The following MAP7D3 variants were observed in gnomAD, a reference collection of about 807,000 sequenced individuals.
MAP7D3 encodes the protein MAP7 domain-containing protein 3.
MAP7D3 carries 45 observed loss-of-function variants against 62.2 expected under a neutral mutation model. The ratio of observed to expected loss-of-function variants is 0.72; its 90% CI spans 0.57 to 0.93. The LOEUF (loss-of-function observed/expected upper bound fraction) is 0.93, where lower values mean the gene tolerates loss of function less well. Among genes scored for constraint, MAP7D3 ranks in the 40% least tolerant of loss-of-function variants. The probability of loss-of-function intolerance (pLI) is 0.00; values close to 1 mark genes in which losing one functional copy is unlikely to be tolerated. For synonymous variants in MAP7D3, 288 were observed against 248.8 expected (o/e 1.16, Z -1.48); for missense variants, 711 against 683.1 (o/e 1.04, Z -0.45).
At chrX:136,244,046 C>A (rs1263430926) in intron 4 of MAP7D3, among the ~76,000 whole-genome samples, 1 of 111,620 alleles carries the variant, frequency 9.0e-6, no homozygotes, top group Non-Finnish European at 1.9e-5. Context: ...AGCAAGAATG[C>A]TGACTCTGAA....
chrX:136,255,177 T>C (rs1411211239), upstream of MAP7D3, among the ~76,000 whole-genome samples: 1 of 112,077 alleles, frequency 8.9e-6, no homozygotes, highest in African/African-American at 3.2e-5. Flanking sequence ...GATCGTGCTA[T>C]TGCACTCCAG....
chrX:136,222,297 G>A, intron 15 of MAP7D3, 96 bp downstream of exon 15: 1 of 603,426 alleles, frequency 1.7e-6, no homozygotes, highest in Non-Finnish European at 2.6e-6. Flanking sequence ...ACTCAGCACA[G>A]AAAGGTTAAG....
intron 14 of MAP7D3, 111 bp downstream of exon 14, chrX:136,224,716 C>T: frequency 4.3e-6 from 2 of 465,909 alleles, no homozygotes; most frequent in Non-Finnish European, 7.2e-6. Flanking sequence ...CAGGGAAATG[C>T]AAATGTAATA....
chrX:136,222,734 G>A (rs1237940366), intron 14 of MAP7D3, among the ~76,000 whole-genome samples: 1 of 111,488 alleles, frequency 9.0e-6, no homozygotes, highest in African/African-American at 3.3e-5. Context: ...AGGAGCCAAG[G>A]GAATATAACT....
At chrX:136,216,385 A>G (rs1461721807), downstream of MAP7D3, among the ~76,000 whole-genome samples, 8 of 106,061 alleles carry the variant, frequency 7.5e-5, no homozygotes, top group African/African-American at 2.0e-4. Flanking sequence ...AAAAAAAGAA[A>G]AAAAGAGAAG....
Position 136,241,239 on chromosome X carries a change from C to T in MAP7D3, c.456G>A (p.Arg152=). The T allele has an allele frequency of 8.5e-7, 1 of 1,178,585 alleles. No homozygotes were observed. Among genetic ancestry groups the T allele is most frequent in the Admixed American group, 2.4e-5 (1 of 41,720 alleles). The part of the protein sequence containing the change: ...FTAILYRTLE[R]RRLADDYQQK... ...GCTGATAATCATCAGCAAGTCTCCT[C>T]CGTTCCAAAGTACGATAAAGAATGG... The change falls in exon 5 of 19, where the codon CGG becomes CGA. Residue 152 remains arginine (R), a synonymous_variant. Coordinates refer to ENST00000316077, the MANE Select transcript of MAP7D3 (RefSeq NM_024597.4).
At chrX:136,240,645 A>C (rs1453621861) in intron 5 of MAP7D3, among the ~76,000 whole-genome samples, 159 bp from the exon 6 acceptor site, 1 of 111,325 alleles carries the variant, frequency 9.0e-6, no homozygotes, top group Non-Finnish European at 1.9e-5. Flanking sequence ...TTTTTAGTAG[A>C]GACGGGGCTT....
upstream of MAP7D3, chrX:136,251,412 G>C (rs1165766160): frequency 2.5e-5 from 25 of 1,005,484 alleles, no homozygotes; most frequent in Non-Finnish European, 2.0e-5. Context: ...CGCAGGCGTC[G>C]GCGCGGCCTC....
At position 136,246,238 on chromosome X, in the gene MAP7D3, T is replaced by C. The variant is rs2074447333; in HGVS notation, c.169+5A>G. On this transcript the variant is annotated splice_donor_5th_base_variant and intron_variant, in intron 2 of 18. Coordinates refer to ENST00000316077, the MANE Select transcript of MAP7D3 (RefSeq NM_024597.4). ...ACATCTATCAAAGCATCAGAGAAAT[T>C]ATACCTGGTTTAAATGTCGATCTTA... 1 of 1,177,288 alleles carries C rather than the reference T, an allele frequency of 8.5e-7. No homozygotes were observed. Among genetic ancestry groups the C allele is most frequent in the African/African-American group, 1.7e-5 (1 of 57,175 alleles).
chrX:136,231,534 C>A lies in MAP7D3; in HGVS notation c.1413+10G>T. 1 of 1,179,278 alleles carries A rather than the reference C, an allele frequency of 8.5e-7. No individual in the cohort carries two copies. Among genetic ancestry groups the A allele is most frequent in the Non-Finnish European group, 1.1e-6 (1 of 880,287 alleles). On this transcript the variant is annotated intron_variant, in intron 8 of 18. Coordinates refer to ENST00000316077, the MANE Select transcript of MAP7D3 (RefSeq NM_024597.4). ...ATAGAAAATTTGTCAATAACAGGCA[C>A]TTGACAAACCTTTGGAGCGTCTCTC...
In MAP7D3 at chrX:136,226,005, G is replaced by A. The variant is rs183082890; in HGVS notation, c.2043C>T (p.Asp681=). ...CTTCCTCTTGAGCTTTTATTTTGGC[G>A]TCCCCTTTCTAGGAAATTTGCATAA... ...EDQEAPLQKG[D]AKIKAQEEAD... Residue 681 remains aspartate (D), a synonymous_variant, in exon 13 of 19, where the codon GAC becomes GAT. Coordinates refer to ENST00000316077, the MANE Select transcript of MAP7D3 (RefSeq NM_024597.4). The A allele has an allele frequency of 2.7e-4, 317 of 1,179,580 alleles. 1 individual carries two copies. In the East Asian group the frequency reaches 7.3e-3, roughly 27 times the overall value.
At chrX:136,231,436 T>C (rs1020405157) in intron 8 of MAP7D3, 108 bp downstream of exon 8, 20 of 622,681 alleles carry the variant, frequency 3.2e-5, no homozygotes, top group South Asian at 6.4e-5. Flanking sequence ...TTGCAGAATA[T>C]TGTAAATAAT....
rs1441234645 is a variant in MAP7D3, at chrX:136,222,428, C to A, written c.2252G>T (p.Ser751Ile). 1 of 1,208,538 alleles carries A rather than the reference C, an allele frequency of 8.3e-7. No homozygotes were observed. Among genetic ancestry groups the A allele is most frequent in the African/African-American group, 1.8e-5 (1 of 57,120 alleles). ...CATTTCATTCAATGAGTCCTTGTCG[C>A]TTTCTTCGTTGTCAGCCTCAGCCTC... is the stretch of plus-strand genomic sequence containing the variant. ...YEEAEADNEE[S>I]DKDSLNEMFP... The change falls in exon 15 of 19, where the codon AGC (serine) becomes ATC (isoleucine). Residue 751 changes from serine to isoleucine, a missense_variant. Transcript: ENST00000316077.
At chrX:136,223,486 A>G (rs960895103) in intron 14 of MAP7D3, among the ~76,000 whole-genome samples, 1 of 110,875 alleles carries the variant, frequency 9.0e-6, no homozygotes, top group Non-Finnish European at 1.9e-5. Flanking sequence ...TGGTTCATCA[A>G]TAGACATTAG....
rs1175539685 is a variant in MAP7D3, at chrX:136,225,266, C to A, written c.2140-386G>T. On this transcript the variant is annotated intron_variant, in intron 13 of 18. Transcript: ENST00000316077. ...AGCCAATGTTAATGAAAATAATACA[C>A]CTCAATGATGCCACACTGTTTTGTG... is the stretch of plus-strand genomic sequence containing the variant. 4.7e-4 allele frequency among the ~76,000 whole-genome samples: 53 copies of A among 112,341 alleles called. No homozygotes were observed. In the Admixed American group the frequency reaches 5.0e-3, roughly 11 times the overall value.
upstream of MAP7D3, among the ~76,000 whole-genome samples, chrX:136,253,735 C>T (rs192938392): frequency 8.9e-6 from 1 of 111,876 alleles, no homozygotes; most frequent in East Asian, 2.8e-4. Context: ...GCCTGTAATC[C>T]CAGCACTTTG....
At chrX:136,249,175 C>T (rs1404725994) in intron 1 of MAP7D3, among the ~76,000 whole-genome samples, 1 of 112,117 alleles carries the variant, frequency 8.9e-6, no homozygotes, top group Non-Finnish European at 1.9e-5. Flanking sequence ...GGCAGAAGTG[C>T]CCCAGGATTT....
At chrX:136,226,559 G>C (rs777979742) in intron 12 of MAP7D3, among the ~76,000 whole-genome samples, 2 of 111,671 alleles carry the variant, frequency 1.8e-5, no homozygotes, top group Non-Finnish European at 1.9e-5. Context: ...TTCAGTTAAT[G>C]ATTTTAAACT....
chrX:136,238,405 A>G (rs891089000), intron 6 of MAP7D3, among the ~76,000 whole-genome samples: 1 of 112,462 alleles, frequency 8.9e-6, no homozygotes, highest in African/African-American at 3.2e-5. Flanking sequence ...ATTAGATAGT[A>G]AAACAGAGTC....
Sources: allele counts gnomAD v4.1 joint callset (sites outside exome capture counted in the v4.1 genomes callset), GRCh38; gene constraint gnomAD v4.1.1; transcripts MANE v1.5; gene names NCBI Gene and HGNC (gene_info 2026-07-23, HGNC 2026-07-21).